The following SOX5 variants were observed in gnomAD, a reference collection of about 807,000 sequenced individuals.
SOX5 encodes the protein SRY-box transcription factor 5.
In SOX5, 9 loss-of-function variants were observed where a neutral mutation model predicts 92.0. The ratio of observed to expected loss-of-function variants is 0.10; its 90% confidence interval spans 0.06 to 0.17. SOX5 has a LOEUF of 0.17. SOX5 is among the 10% of genes least tolerant of loss of function. The pLI, the probability that SOX5 is intolerant of heterozygous loss-of-function variation, is 1.00. For synonymous variants in SOX5, 344 were observed against 336.3 expected, an observed-to-expected ratio of 1.02 and a Z score of -0.25; for missense variants, 642 against 944.5, an observed-to-expected ratio of 0.68 and a Z score of 4.20.
intron 4 of SOX5, among the ~76,000 whole-genome samples, chr12:23,970,182 CTCCTT>C (rs1948063049): frequency 6.6e-6 from 1 of 151,984 alleles, no homozygotes; most frequent in Non-Finnish European, 1.5e-5. Context: ...AAAATAATGA[CTCCTT>C]CCCTCTTCAC....
chr12:24,352,587 A>C (rs1456575240), intron 2 of SOX5, among the ~76,000 whole-genome samples: 1 of 152,180 alleles, frequency 6.6e-6, no homozygotes, highest in Non-Finnish European at 1.5e-5. Flanking sequence ...TCTTTTCAAA[A>C]GTTATTTTAC....
intron 1 of SOX5, among the ~76,000 whole-genome samples, chr12:24,497,675 T>C (rs1947783233): frequency 6.6e-6 from 1 of 152,152 alleles, no homozygotes; most frequent in Non-Finnish European, 1.5e-5. Context: ...AAAATACCAC[T>C]TGACCCAGCA....
chr12:24,489,271 T>A (rs1040289042), intron 1 of SOX5, among the ~76,000 whole-genome samples: 1 of 152,210 alleles, frequency 6.6e-6, no homozygotes. Context: ...CTTGTTCAAC[T>A]ATCAGAGCCA....
intron 2 of SOX5, among the ~76,000 whole-genome samples, chr12:23,874,191 T>C (rs2096903144): frequency 6.6e-6 from 1 of 152,248 alleles, no homozygotes; most frequent in Non-Finnish European, 1.5e-5. Context: ...CAATTCATTT[T>C]CAGTAAGATT....
chr12:23,962,292 G>A (rs533695093), intron 4 of SOX5, among the ~76,000 whole-genome samples: 6 of 151,604 alleles, frequency 4.0e-5, no homozygotes, highest in Non-Finnish European at 7.4e-5. Context: ...ACTCTTAAAA[G>A]ACCAGGAGAA....
chr12:23,971,510 G>A (rs1051784221), intron 4 of SOX5, among the ~76,000 whole-genome samples: 8 of 150,776 alleles, frequency 5.3e-5, no homozygotes, highest in Admixed American at 1.3e-4. Flanking sequence ...CTACAGTGGA[G>A]AGGTTTACTT....
chr12:24,412,816 G>A (rs903369907), intron 1 of SOX5, among the ~76,000 whole-genome samples: 1 of 145,358 alleles, frequency 6.9e-6, no homozygotes, highest in Non-Finnish European at 1.5e-5. Context: ...GTGCAGTGGC[G>A]CAATCTCGGC....
At chr12:24,524,160 G>C (rs1950491624) in intron 1 of SOX5, among the ~76,000 whole-genome samples, 1 of 152,188 alleles carries the variant, frequency 6.6e-6, no homozygotes, top group African/African-American at 2.4e-5. Context: ...ATCTAAACCA[G>C]ATTCTCAGGC....
At chr12:24,437,294 C>A (rs1011769541) in intron 1 of SOX5, among the ~76,000 whole-genome samples, 1 of 152,098 alleles carries the variant, frequency 6.6e-6, no homozygotes, top group South Asian at 2.1e-4. Flanking sequence ...CTGGACCCCT[C>A]CCTCACACCT....
chr12:24,341,742 T>G (rs557745389), intron 2 of SOX5, among the ~76,000 whole-genome samples: 1 of 152,170 alleles, frequency 6.6e-6, no homozygotes, highest in Non-Finnish European at 1.5e-5. Context: ...AGAAGGCTTC[T>G]CTGTCCGCTT....
At chr12:23,735,412 C>T (rs1466648338) in intron 5 of SOX5, among the ~76,000 whole-genome samples, 3 of 152,104 alleles carry the variant, frequency 2.0e-5, no homozygotes, top group Non-Finnish European at 2.9e-5. Context: ...ATGTTTTCCC[C>T]GATCATGAAC....
chr12:23,745,305 T>C (rs529388988), intron 4 of SOX5, among the ~76,000 whole-genome samples: 2 of 152,288 alleles, frequency 1.3e-5, no homozygotes, highest in South Asian at 4.1e-4. Flanking sequence ...ATTTTTAAAA[T>C]AGAACTTTTA....
chr12:24,246,189 T>C (rs528917677), intron 3 of SOX5, among the ~76,000 whole-genome samples: 1 of 152,170 alleles, frequency 6.6e-6, no homozygotes, highest in African/African-American at 2.4e-5. Flanking sequence ...AATGTCTTAG[T>C]TGTCACATCA....
intron 6 of SOX5, among the ~76,000 whole-genome samples, chr12:23,698,640 T>C (rs1451393373): frequency 2.6e-5 from 4 of 152,210 alleles, no homozygotes; most frequent in African/African-American, 9.6e-5. Context: ...CTTTTGATTA[T>C]TTTTTCTTCT....
chr12:24,163,822 T>A (rs370100055), intron 4 of SOX5, among the ~76,000 whole-genome samples: 13 of 152,186 alleles, frequency 8.5e-5, no homozygotes, highest in African/African-American at 3.1e-4. Flanking sequence ...TTTCTCTCTG[T>A]CTTTGCCCAT....
chr12:23,557,605 C>T (rs1344219545), intron 11 of SOX5, among the ~76,000 whole-genome samples: 1 of 152,132 alleles, frequency 6.6e-6, no homozygotes, highest in Non-Finnish European at 1.5e-5. Context: ...TAGATTTAAC[C>T]TGTTATCAAG....
chr12:23,645,262 A>G (rs1004365395), intron 7 of SOX5, among the ~76,000 whole-genome samples: 5 of 152,140 alleles, frequency 3.3e-5, no homozygotes, highest in African/African-American at 7.2e-5. Flanking sequence ...AGGGGAGGAG[A>G]GACCTTTCGG....
chr12:23,841,736 A>G (rs1420124484), intron 3 of SOX5, among the ~76,000 whole-genome samples: 1 of 152,112 alleles, frequency 6.6e-6, no homozygotes, highest in African/African-American at 2.4e-5. Flanking sequence ...TTTTCTAGGA[A>G]AGGGAAAACT....
At chr12:23,724,558 C>A (rs2093009286) in intron 6 of SOX5, among the ~76,000 whole-genome samples, 1 of 152,078 alleles carries the variant, frequency 6.6e-6, no homozygotes, top group Non-Finnish European at 1.5e-5. Flanking sequence ...CCTAAGATTA[C>A]TAATTTAACC....
Sources: gnomAD v4.1 joint callset for allele counts (sites outside exome capture counted in the v4.1 genomes callset) on GRCh38, gnomAD v4.1.1 for gene constraint, MANE v1.5 for transcripts, NCBI Gene and HGNC (gene_info 2026-07-23, HGNC 2026-07-21) for gene names.